ALG2: variants seen among roughly 807,000 people sequenced by gnomAD.
ALG2 encodes the protein alpha-1,3/1,6-mannosyltransferase ALG2.
ALG2 carries 32 observed loss-of-function variants against 30.5 expected under a neutral mutation model. The observed-to-expected ratio is 1.05, with a 90% CI of 0.79 to 1.41. The LOEUF (loss-of-function observed/expected upper bound fraction) is 1.41, where lower values mean the gene tolerates loss of function less well. Ranked by LOEUF, ALG2 falls within the 40% of genes most tolerant of loss-of-function variation. ALG2 has a pLI of 0.00. For synonymous variants in ALG2, 253 were observed against 224.8 expected, an observed-to-expected ratio of 1.13 and a Z score of -1.12; for missense variants, 574 against 526.4, an observed-to-expected ratio of 1.09 and a Z score of -0.88.
At position 99,221,810 on chromosome 9, in the gene ALG2, C is replaced by G. The variant is rs202053471; in HGVS notation, c.85G>C (p.Ala29Pro). Residue 29 changes from alanine (A) to proline (P), a missense_variant, in exon 1 of 2, where the codon GCT becomes CCT. Transcript: ENST00000476832. ...GCCGCGTCCAACACCAGCCGCTCAG[C>G]GCCGCCCACGCCCAGGTCTGGGTGG... ...FLHPDLGVGG[A>P]ERLVLDAALA... 3.8e-6 allele frequency: 6 copies of G among 1,597,720 alleles called. No individual in the cohort carries two copies. Among genetic ancestry groups the G allele is most frequent in the Admixed American group, 3.3e-5 (2 of 59,950 alleles).
At position 99,221,419 on chromosome 9, in the gene ALG2, G is replaced by T. The variant is rs1029544399; in HGVS notation, c.348+128C>A. On this transcript the variant is annotated intron_variant, in intron 1 of 1. Transcript: ENST00000476832. ...GAACCACAGGCTCGCTCACAACCCT[G>T]ACTTCTCCATGTCAGTTCCGATCTT... is the stretch of plus-strand genomic sequence containing the variant. The T allele has an allele frequency of 4.4e-6, 5 of 1,133,324 alleles. No individual in the cohort carries two copies. In the Admixed American group the frequency reaches 6.5e-5, roughly 15 times the overall value. The allele number at this position is 1,133,324 out of a possible 1,614,324, so 70.2% of individuals were successfully genotyped here.
In ALG2 at chr9:99,217,468, CAAACA is replaced by C; in HGVS notation, c.*461_*465del. 2.2e-6 allele frequency: 1 copy of C among 454,442 alleles called. No individual in the cohort carries two copies. Among genetic ancestry groups the C allele is most frequent in the South Asian group, 1.6e-5 (1 of 64,470 alleles). 28.2% of individuals were successfully genotyped at this position (454,442 alleles called of 1,614,324 possible). A position where few individuals can be genotyped will look rare whatever the true frequency, so the allele number is the denominator to read the frequency against. On this transcript the variant is annotated 3_prime_UTR_variant, in exon 2 of 2. Transcript: ENST00000476832. ...GCTATGGATCCAGGCAAAGACAGGA[CAAACA>C]AAAATTCCCTAACAGATGACAGTGA...
In ALG2 at chr9:99,217,984, C is replaced by T; in HGVS notation, c.1201G>A (p.Glu401Lys). 6.2e-7 allele frequency: 1 copy of T among 1,614,204 alleles called. No individual in the cohort carries two copies. The highest frequency in any genetic ancestry group is 8.5e-7 in the Non-Finnish European group (1 of 1,180,044). The change falls in exon 2 of 2, where the codon GAA becomes AAA. Residue 401 changes from glutamate to lysine, a missense_variant. Transcript: ENST00000476832. ...RARVKEKFSP[E>K]AFTEQLYRYV... ...CGGTAGAGCTGTTCTGTAAATGCTT[C>T]AGGGGAAAATTTTTCCTTCACTCTG...
chr9:99,218,225 G>A lies in ALG2; in HGVS notation c.960C>T (p.Tyr320=), dbSNP rs1588618745. 1.9e-6 allele frequency: 3 copies of A among 1,614,260 alleles called. No homozygotes were observed. The highest frequency in any genetic ancestry group is 2.5e-6 in the Non-Finnish European group (3 of 1,180,056). ...SLLHSCTCVL[Y]TPSNEHFGIV... ...TGCCAAAGTGCTCATTGCTTGGTGTGTAAAGCACACACGTGCAGCTGTGGA... is the reference window on the plus strand; with the variant it reads ...TGCCAAAGTGCTCATTGCTTGGTGTATAAAGCACACACGTGCAGCTGTGGA... The change falls in exon 2 of 2, where the codon TAC becomes TAT. Residue 320 remains tyrosine, a synonymous_variant. Coordinates refer to ENST00000476832, the MANE Select transcript of ALG2 (RefSeq NM_033087.4).
At chr9:99,221,162 A>G (rs768148384) in intron 1 of ALG2, 1 of 1,371,702 alleles carries the variant, frequency 7.3e-7, no homozygotes, top group Non-Finnish European at 9.6e-7. Context: ...AACAAAAATA[A>G]CAGGTAAGCG....
intron 1 of ALG2, chr9:99,221,047 T>A (rs1344051892): frequency 7.4e-7 from 1 of 1,353,728 alleles, no homozygotes; most frequent in Non-Finnish European, 9.8e-7. Context: ...AATAGGGGCA[T>A]GATATATTCA....
chr9:99,217,915 G>T lies in ALG2; in HGVS notation c.*19C>A. On this transcript the variant is annotated 3_prime_UTR_variant, in exon 2 of 2. Coordinates refer to ENST00000476832, the MANE Select transcript of ALG2 (RefSeq NM_033087.4). ...AATCCATAAAAATGACATTAATGGA[G>T]ATCTTAAAAACAATCTGATTATACC... is the stretch of plus-strand genomic sequence containing the variant. 1.2e-6 allele frequency: 2 copies of T among 1,613,048 alleles called. No individual in the cohort carries two copies. Among genetic ancestry groups the T allele is most frequent in the East Asian group, 2.2e-5 (1 of 44,888 alleles).
chr9:99,221,807 C>T lies in ALG2; in HGVS notation c.88G>A (p.Glu30Lys). 2 of 1,597,834 alleles carry T rather than the reference C, an allele frequency of 1.3e-6. No individual in the cohort carries two copies. The highest frequency in any genetic ancestry group is 1.7e-6 in the Non-Finnish European group (2 of 1,179,288). ...LHPDLGVGGA[E>K]RLVLDAALAL... The stretch of plus-strand genomic sequence containing the variant: ...AGCGCCGCGTCCAACACCAGCCGCT[C>T]AGCGCCGCCCACGCCCAGGTCTGGG... The change falls in exon 1 of 2, where the codon GAG (glutamate) becomes AAG (lysine). Residue 30 changes from glutamate to lysine, a missense_variant. Glu to Lys is a moderately conservative substitution (Grantham distance 56). Coordinates refer to ENST00000476832, the MANE Select transcript of ALG2 (RefSeq NM_033087.4).
At position 99,217,908 on chromosome 9, in the gene ALG2, T is replaced by TA; in HGVS notation, c.*25dup. ...GGTCTACAATCCATAAAAATGACAT[T>TA]AATGGAGATCTTAAAAACAATCTGA... On this transcript the variant is annotated 3_prime_UTR_variant, in exon 2 of 2. Coordinates refer to ENST00000476832, the MANE Select transcript of ALG2 (RefSeq NM_033087.4). 1 of 1,611,768 alleles carries TA rather than the reference T, an allele frequency of 6.2e-7. No individual in the cohort carries two copies. Among genetic ancestry groups the TA allele is most frequent in the South Asian group, 1.1e-5 (1 of 91,022 alleles).
intron 1 of ALG2, among the ~76,000 whole-genome samples, chr9:99,219,455 C>T (rs1002845896): frequency 1.2e-4 from 18 of 152,210 alleles, no homozygotes; most frequent in African/African-American, 4.3e-4. Context: ...ACTAACTGGC[C>T]ACGATCAAGT....
rs139943534 is a variant in ALG2, at chr9:99,216,461, CAAT to C, written c.*1470_*1472del. On this transcript the variant is annotated 3_prime_UTR_variant, in exon 2 of 2. Transcript: ENST00000476832. ...AGAACTTTTAATCCCATAAAAGACT[CAAT>C]ATATTTGGCACCCTCATTTTATAGT... 500 of 437,218 alleles carry C rather than the reference CAAT, an allele frequency of 1.1e-3. 3 individuals are homozygous for C. Among genetic ancestry groups the C allele is most frequent in the African/African-American group, 9.6e-3 (473 of 49,196 alleles). The allele number at this position is 437,218 out of a possible 1,614,324, so 27.1% of individuals were successfully genotyped here. A position where few individuals can be genotyped will look rare whatever the true frequency, so the allele number is the denominator to read the frequency against.
At position 99,221,751 on chromosome 9, in the gene ALG2, C is replaced by A. The variant is rs767971393; in HGVS notation, c.144G>T (p.Lys48Asn). 3 of 1,598,990 alleles carry A rather than the reference C, an allele frequency of 1.9e-6. No homozygotes were observed. The highest frequency in any genetic ancestry group is 2.5e-6 in the Non-Finnish European group (3 of 1,179,540). ...CCGGGTCGTAGTGCGCTGTCCAGAT[C>A]TTCACGCTACACCCGCGCGCCTGCA... ...LALQARGCSV[K>N]IWTAHYDPGH... is the part of the protein sequence containing the mutation. The change falls in exon 1 of 2, where the codon AAG becomes AAT. Residue 48 changes from lysine to asparagine, a missense_variant. Coordinates refer to ENST00000476832, the MANE Select transcript of ALG2 (RefSeq NM_033087.4).
At chr9:99,221,461 G>C in intron 1 of ALG2, 86 bp downstream of exon 1, 1 of 1,395,852 alleles carries the variant, frequency 7.2e-7, no homozygotes, top group African/African-American at 1.4e-5. Flanking sequence ...CCGCAGACAG[G>C]GAAGGTCTTC....
Position 99,218,177 on chromosome 9 carries a change from G to A in ALG2, c.1008C>T (p.Tyr336=), listed in dbSNP as rs769220172. 6.2e-7 allele frequency: 1 copy of A among 1,613,424 alleles called. No individual in the cohort carries two copies. Among genetic ancestry groups the A allele is most frequent in the Non-Finnish European group, 8.5e-7 (1 of 1,179,392 alleles). The stretch of plus-strand genomic sequence containing the variant: ...TAACAGCAATGACTGGGCACTGCAT[G>A]TACATGGCTTCCAGAGGGACAATGC... ...HFGIVPLEAM[Y]MQCPVIAVNS... The change falls in exon 2 of 2, where the codon TAC becomes TAT. Residue 336 remains tyrosine (Y), a synonymous_variant. Transcript: ENST00000476832.
rs144537416 is a variant in ALG2 at position 99,221,272 on chromosome 9, A to AC, written c.348+274dup. 1.2e-3 allele frequency: 1,191 copies of AC among 1,028,396 alleles called. 11 individuals are homozygous for AC. In the African/African-American group the frequency reaches 0.018, roughly 15 times the overall value. The allele number at this position is 1,028,396 out of a possible 1,614,324, so 63.7% of individuals were successfully genotyped here. On this transcript the variant is annotated intron_variant, in intron 1 of 1. Transcript: ENST00000476832. The stretch of plus-strand genomic sequence containing the variant: ...CCCAAAGACTATCTACCTCGGAATC[A>AC]CCCTATGACCCAGTTAAAATGCAGA...
intron 1 of ALG2, chr9:99,221,194 T>C (rs1828794065): frequency 7.3e-7 from 1 of 1,372,190 alleles, no homozygotes; most frequent in African/African-American, 1.4e-5. Context: ...CGCGAGTTAC[T>C]CATTAGTAAA....
rs527683080 is a variant in ALG2, at chr9:99,221,736, G to A, written c.159C>T (p.His53=). 4.3e-5 allele frequency: 68 copies of A among 1,598,756 alleles called. No homozygotes were observed. The East Asian group carries it at 1.3e-3, about 30-fold the overall frequency. ...RGCSVKIWTA[H]YDPGHCFAES... ...CGGCGAAACAGTGGCCCGGGTCGTA[G>A]TGCGCTGTCCAGATCTTCACGCTAC... The change falls in exon 1 of 2, where the codon CAC becomes CAT. Residue 53 remains histidine, a synonymous_variant. Transcript: ENST00000476832.
intron 1 of ALG2, 88 bp downstream of exon 1, chr9:99,221,459 A>G (rs981370536): frequency 1.2e-5 from 17 of 1,385,730 alleles, no homozygotes; most frequent in Non-Finnish European, 1.6e-5. Flanking sequence ...AACCGCAGAC[A>G]GGGAAGGTCT....
chr9:99,221,847 C>A lies in ALG2; in HGVS notation c.48G>T (p.Ser16=), dbSNP rs199752563. The A allele has an allele frequency of 6.3e-7, 1 of 1,594,512 alleles. No individual in the cohort carries two copies. The highest frequency in any genetic ancestry group is 8.5e-7 in the Non-Finnish European group (1 of 1,177,714). Residue 16 remains serine, a synonymous_variant, in exon 1 of 2, where the codon TCG becomes TCT. Coordinates refer to ENST00000476832, the MANE Select transcript of ALG2 (RefSeq NM_033087.4). Reference sequence around the variant, plus strand: ...CCAGGTCTGGGTGGAGGAACAGCACCGACGGCTTGGGAACCGAGTCCCGTT... The same window carrying A: ...CCAGGTCTGGGTGGAGGAACAGCACAGACGGCTTGGGAACCGAGTCCCGTT... ...GRERDSVPKP[S]VLFLHPDLGV...
Sources: gnomAD v4.1 joint callset for allele counts (sites outside exome capture counted in the v4.1 genomes callset) on GRCh38, gnomAD v4.1.1 for gene constraint, MANE v1.5 for transcripts, NCBI Gene and HGNC (gene_info 2026-07-23, HGNC 2026-07-21) for gene names.